SLIT3: variants seen among roughly 807,000 people sequenced by gnomAD.
The protein encoded by SLIT3 is slit homolog 3 protein.
SLIT3 carries 68 observed loss-of-function variants against 184.0 expected under a neutral mutation model. That is an observed-to-expected ratio of 0.37 (90% CI 0.30 to 0.45). The LOEUF (loss-of-function observed/expected upper bound fraction) is 0.45, where lower values mean the gene tolerates loss of function less well. SLIT3 is among the 20% of genes least tolerant of loss of function. The pLI, the probability that SLIT3 is intolerant of heterozygous loss-of-function variation, is 1.00. For synonymous variants in SLIT3, 831 were observed against 828.6 expected (o/e 1.00, Z -0.05); for missense variants, 1,707 against 2,026.0 (o/e 0.84, Z 3.02).
At chr5:168,772,636 T>C in intron 14 of SLIT3, 145 bp downstream of exon 14, 1 of 769,604 alleles carries the variant, frequency 1.3e-6, no homozygotes, top group Non-Finnish European at 2.1e-6. Flanking sequence ...TCTGCAGGGC[T>C]AACTGAATTT....
At chr5:168,857,757 G>A (rs1758942753) in intron 5 of SLIT3, among the ~76,000 whole-genome samples, 1 of 152,228 alleles carries the variant, frequency 6.6e-6, no homozygotes, top group African/African-American at 2.4e-5. Flanking sequence ...GGGTCGGAGG[G>A]CTGAACAGCA....
intron 4 of SLIT3, among the ~76,000 whole-genome samples, chr5:168,886,359 G>A (rs144602102): frequency 6.6e-6 from 1 of 152,106 alleles, no homozygotes; most frequent in Admixed American, 6.5e-5. Flanking sequence ...CACAATTATC[G>A]CAGGGCCTTT....
At position 168,687,091 on chromosome 5, in the gene SLIT3, C is replaced by T. The variant is rs751082217; in HGVS notation, c.3202G>A (p.Gly1068Arg). 19 of 1,614,102 alleles carry T rather than the reference C, an allele frequency of 1.2e-5. No individual in the cohort carries two copies. The highest frequency in any genetic ancestry group is 6.7e-5 in the East Asian group (3 of 44,896). Residue 1068 changes from glycine to arginine, a missense_variant, in exon 30 of 36, where the codon GGG becomes AGG. Gly to Arg is a moderately radical substitution (Grantham distance 125). Coordinates refer to ENST00000519560, the MANE Select transcript of SLIT3 (RefSeq NM_003062.4). ...FSCECVPGYS[G>R]KLCETDNDDC... ...TCATTGTCTGTCTCACAGAGCTTCC[C>T]GCTGTAGCCAGGGACACACTCGCAG...
At chr5:168,894,813 C>A (rs1291918619) in intron 4 of SLIT3, among the ~76,000 whole-genome samples, 1 of 152,196 alleles carries the variant, frequency 6.6e-6, no homozygotes, top group African/African-American at 2.4e-5. Flanking sequence ...CTCCCCTCCT[C>A]CTTTCTGAAT....
At chr5:169,107,245 C>T (rs1220946311) in intron 4 of SLIT3, among the ~76,000 whole-genome samples, 1 of 152,238 alleles carries the variant, frequency 6.6e-6, no homozygotes, top group Non-Finnish European at 1.5e-5. Context: ...GTGGCTCACA[C>T]TTCTCCTAGC....
At chr5:169,245,019 G>C (rs1283716170) in intron 2 of SLIT3, among the ~76,000 whole-genome samples, 1 of 152,156 alleles carries the variant, frequency 6.6e-6, no homozygotes, top group Admixed American at 6.5e-5. Flanking sequence ...TTTTAAGAAT[G>C]TTCTCAGTAA....
chr5:169,034,212 A>T (rs1039019725), intron 4 of SLIT3, among the ~76,000 whole-genome samples: 1 of 151,714 alleles, frequency 6.6e-6, no homozygotes, highest in Non-Finnish European at 1.5e-5. Context: ...CATTTTGTTG[A>T]TTATTTCCTT....
intron 4 of SLIT3, among the ~76,000 whole-genome samples, chr5:169,177,431 G>T (rs1298323560): frequency 6.6e-6 from 1 of 152,150 alleles, no homozygotes; most frequent in African/African-American, 2.4e-5. Flanking sequence ...CATGCTGAGC[G>T]GGGAAATCAG....
At chr5:168,932,585 G>A (rs62377197) in intron 4 of SLIT3, among the ~76,000 whole-genome samples, 5,856 of 152,174 alleles carry the variant, frequency 0.038, 157 homozygotes, top group Middle Eastern at 0.065. Flanking sequence ...ATAGATAAGC[G>A]ACTGCCCAGG....
intron 4 of SLIT3, among the ~76,000 whole-genome samples, chr5:169,173,415 GGGA>G (rs1762877291): frequency 1.3e-5 from 2 of 152,286 alleles, no homozygotes; most frequent in African/African-American, 2.4e-5. Context: ...GAGTGAAAGC[GGGA>G]GGAGAAGGAA....
intron 26 of SLIT3, chr5:168,706,591 G>A (rs1762377891): frequency 6.6e-6 from 1 of 152,086 alleles, no homozygotes; most frequent in African/African-American, 2.4e-5. Flanking sequence ...GTAAAGGCCA[G>A]GCACTCATCT....
intron 1 of SLIT3, among the ~76,000 whole-genome samples, chr5:169,290,440 T>C (rs1237146922): frequency 8.6e-6 from 1 of 115,870 alleles, no homozygotes; most frequent in Non-Finnish European, 1.8e-5. Flanking sequence ...CACACTAGGT[T>C]GCGCACTAGG....
At chr5:168,939,741 A>G (rs1441276139) in intron 4 of SLIT3, among the ~76,000 whole-genome samples, 1 of 152,244 alleles carries the variant, frequency 6.6e-6, no homozygotes, top group Admixed American at 6.5e-5. Flanking sequence ...GGACTTTGGT[A>G]CATGAAATGG....
chr5:168,702,675 CGATGATGAT>C (rs10596363), intron 26 of SLIT3, among the ~76,000 whole-genome samples: 35 of 149,604 alleles, frequency 2.3e-4, no homozygotes, highest in Middle Eastern at 7.0e-3. Context: ...TAAATAATAG[CGATGATGAT>C]GATGATGATG....
At chr5:169,216,197 C>A (rs2113522113) in intron 3 of SLIT3, among the ~76,000 whole-genome samples, 1 of 152,276 alleles carries the variant, frequency 6.6e-6, no homozygotes. Flanking sequence ...AGCTCACACA[C>A]TGTGCCACCA....
intron 4 of SLIT3, among the ~76,000 whole-genome samples, chr5:169,035,647 GAAAAA>G (rs201819555): frequency 9.7e-6 from 1 of 103,588 alleles, no homozygotes; most frequent in African/African-American, 3.7e-5. Flanking sequence ...ACTGCATCTG[GAAAAA>G]AAAAAAAAAA....
rs78742599 is a variant in SLIT3, at chr5:169,255,479, A to T, written c.198-4020T>A. Among the ~76,000 whole-genome samples the T allele has an allele frequency of 6.6e-3, 1,005 of 152,360 alleles. 13 individuals are homozygous for T. The highest frequency in any genetic ancestry group is 0.022 in the African/African-American group (929 of 41,574). ...ATAAAAAAGTTTAAAAAGTAAAAAA[A>T]GTTTATAAAATAAGCATACAAGGGA... is the stretch of plus-strand genomic sequence containing the variant. On this transcript the variant is annotated intron_variant, in intron 1 of 35. Coordinates refer to ENST00000519560, the MANE Select transcript of SLIT3 (RefSeq NM_003062.4).
At chr5:168,793,243 C>CT (rs1264978736) in intron 10 of SLIT3, among the ~76,000 whole-genome samples, 2 of 152,132 alleles carry the variant, frequency 1.3e-5, no homozygotes, top group South Asian at 2.1e-4. Flanking sequence ...CCCCCCTCCC[C>CT]TTTTTTCTTT....
intron 4 of SLIT3, among the ~76,000 whole-genome samples, chr5:169,021,962 C>T (rs917500402): frequency 6.6e-6 from 1 of 152,198 alleles, no homozygotes; most frequent in Non-Finnish European, 1.5e-5. Context: ...ATAGAACACA[C>T]CCATCATCAC....
Sources: allele counts gnomAD v4.1 joint callset (sites outside exome capture counted in the v4.1 genomes callset), GRCh38; gene constraint gnomAD v4.1.1; transcripts MANE v1.5; gene names NCBI Gene and HGNC (gene_info 2026-07-23, HGNC 2026-07-21).